The following TTC28 variants were observed in gnomAD, a reference collection of about 807,000 sequenced individuals.
TTC28 encodes the protein tetratricopeptide repeat protein 28.
TTC28 carries 61 observed loss-of-function variants against 198.0 expected under a neutral mutation model. The observed-to-expected ratio is 0.31, with a 90% CI of 0.25 to 0.38. TTC28 has a LOEUF of 0.38. Among genes scored for constraint, TTC28 ranks in the 10% least tolerant of loss-of-function variants. The pLI, the probability that TTC28 is intolerant of heterozygous loss-of-function variation, is 1.00. For synonymous variants in TTC28, 1,171 were observed against 1,297.8 expected, an observed-to-expected ratio of 0.90 and a Z score of 2.10; for missense variants, 2,678 against 3,164.0, an observed-to-expected ratio of 0.85 and a Z score of 3.69.
chr22:28,623,494 C>G (rs1569066643), intron 2 of TTC28, among the ~76,000 whole-genome samples: 1 of 151,748 alleles, frequency 6.6e-6, no homozygotes, highest in Non-Finnish European at 1.5e-5. Context: ...AATAACAAGA[C>G]AAAAAAAGTC....
intron 2 of TTC28, among the ~76,000 whole-genome samples, chr22:28,430,609 T>G (rs1441421103): frequency 2.0e-5 from 3 of 152,186 alleles, no homozygotes; most frequent in Non-Finnish European, 2.9e-5. Flanking sequence ...CATTCTGATA[T>G]GCATGGGGCA....
At chr22:28,559,204 AAC>A (rs1292787968) in intron 2 of TTC28, among the ~76,000 whole-genome samples, 4 of 152,168 alleles carry the variant, frequency 2.6e-5, no homozygotes, top group African/African-American at 7.2e-5. Context: ...TATGCTTAGA[AAC>A]AGTTTTTCTA....
intron 5 of TTC28, among the ~76,000 whole-genome samples, chr22:28,252,055 G>A (rs941362618): frequency 2.2e-4 from 33 of 152,076 alleles, no homozygotes; most frequent in Non-Finnish European, 4.3e-4. Flanking sequence ...CATAACTTGC[G>A]CATAGGAGAT....
At chr22:28,144,635 G>A (rs1038212358) in intron 6 of TTC28, among the ~76,000 whole-genome samples, 3 of 152,206 alleles carry the variant, frequency 2.0e-5, no homozygotes, top group African/African-American at 4.8e-5. Context: ...AATAACAGCA[G>A]TACCATTTAC....
At chr22:28,163,900 G>T (rs1216110285) in intron 5 of TTC28, among the ~76,000 whole-genome samples, 1 of 152,172 alleles carries the variant, frequency 6.6e-6, no homozygotes, top group Non-Finnish European at 1.5e-5. Context: ...CCTAGTCAAA[G>T]AAAGGGGTGA....
rs546888508 is a variant in TTC28 at position 28,580,029 on chromosome 22, T to C, written c.381+49523A>G. Among the ~76,000 whole-genome samples the C allele has an allele frequency of 3.3e-5, 5 of 151,762 alleles. No individual in the cohort carries two copies. In the East Asian group the frequency reaches 7.7e-4, roughly 23 times the overall value. Reference sequence around the variant, plus strand: ...ACACACACACATACACACATATATATAAAACTAGATAAACAGATTATTTCA... The same window carrying C: ...ACACACACACATACACACATATATACAAAACTAGATAAACAGATTATTTCA... On this transcript the variant is annotated intron_variant, in intron 2 of 22. Coordinates refer to ENST00000397906, the MANE Select transcript of TTC28 (RefSeq NM_001145418.2).
At chr22:28,640,143 C>G (rs2051339592) in intron 1 of TTC28, among the ~76,000 whole-genome samples, 1 of 151,710 alleles carries the variant, frequency 6.6e-6, no homozygotes, top group South Asian at 2.1e-4. Flanking sequence ...CCCACCTCTA[C>G]TAAAAATACA....
intron 5 of TTC28, among the ~76,000 whole-genome samples, chr22:28,239,928 A>C (rs1929545385): frequency 6.6e-6 from 1 of 152,196 alleles, no homozygotes; most frequent in Non-Finnish European, 1.5e-5. Flanking sequence ...CTTCTAGACC[A>C]GGGTTTCTCA....
At chr22:28,145,645 T>A (rs1943452647) in intron 6 of TTC28, among the ~76,000 whole-genome samples, 1 of 152,230 alleles carries the variant, frequency 6.6e-6, no homozygotes, top group Non-Finnish European at 1.5e-5. Flanking sequence ...CATGTACTTC[T>A]AGCCCCTGAT....
At chr22:28,476,588 G>A (rs1052779211) in intron 2 of TTC28, among the ~76,000 whole-genome samples, 5 of 152,108 alleles carry the variant, frequency 3.3e-5, no homozygotes, top group Middle Eastern at 3.2e-3. Flanking sequence ...ACGGTTCCTA[G>A]TCATCCCCCA....
intron 12 of TTC28, among the ~76,000 whole-genome samples, chr22:28,069,218 A>G (rs902925106): frequency 2.6e-5 from 4 of 152,202 alleles, no homozygotes; most frequent in Admixed American, 2.0e-4. Flanking sequence ...TCTGTTTTTC[A>G]GAAGTCTTTT....
At chr22:28,454,157 A>G (rs920582695) in intron 2 of TTC28, among the ~76,000 whole-genome samples, 4 of 152,112 alleles carry the variant, frequency 2.6e-5, no homozygotes, top group African/African-American at 4.8e-5. Context: ...CCCTACTCCA[A>G]ATGATTACAT....
chr22:28,521,205 C>T (rs1367933446), intron 2 of TTC28, among the ~76,000 whole-genome samples: 1 of 151,502 alleles, frequency 6.6e-6, no homozygotes, highest in Non-Finnish European at 1.5e-5. Flanking sequence ...CCAGGACCAA[C>T]CTGCACAACA....
At chr22:28,086,123 G>A (rs1168487488) in intron 12 of TTC28, among the ~76,000 whole-genome samples, 1 of 152,020 alleles carries the variant, frequency 6.6e-6, no homozygotes, top group African/African-American at 2.4e-5. Context: ...AAGTTAACAA[G>A]GATACCCAGG....
At chr22:28,209,803 C>T (rs558435705) in intron 5 of TTC28, among the ~76,000 whole-genome samples, 1 of 152,148 alleles carries the variant, frequency 6.6e-6, no homozygotes, top group Non-Finnish European at 1.5e-5. Flanking sequence ...TCTCTCAGCA[C>T]GGAGTTTGAG....
chr22:28,031,594 A>G (rs181911152), intron 12 of TTC28, among the ~76,000 whole-genome samples: 8 of 152,276 alleles, frequency 5.3e-5, no homozygotes, highest in South Asian at 2.1e-4. Flanking sequence ...CAAATGGCCA[A>G]GCTGGCGACA....
intron 2 of TTC28, among the ~76,000 whole-genome samples, chr22:28,416,331 A>G (rs1308786991): frequency 6.6e-6 from 1 of 152,222 alleles, no homozygotes; most frequent in African/African-American, 2.4e-5. Context: ...AGGATATTAG[A>G]AGAAAATATC....
At chr22:28,445,735 C>G (rs576965558) in intron 2 of TTC28, among the ~76,000 whole-genome samples, 2 of 152,228 alleles carry the variant, frequency 1.3e-5, no homozygotes, top group African/African-American at 4.8e-5. Context: ...ATTCAGATAT[C>G]ATATAGAAAG....
At chr22:28,254,140 T>G (rs1415690918) in intron 5 of TTC28, among the ~76,000 whole-genome samples, 1 of 151,428 alleles carries the variant, frequency 6.6e-6, no homozygotes, top group Non-Finnish European at 1.5e-5. Context: ...ATCTGAGTTT[T>G]GAAAGGAAAG....
Sources: gnomAD v4.1 joint callset for allele counts (sites outside exome capture counted in the v4.1 genomes callset) on GRCh38, gnomAD v4.1.1 for gene constraint, MANE v1.5 for transcripts, NCBI Gene and HGNC (gene_info 2026-07-23, HGNC 2026-07-21) for gene names.